STARD13: variants seen among roughly 807,000 people sequenced by gnomAD.
STARD13 encodes stAR-related lipid transfer protein 13.
In STARD13, 62 loss-of-function variants were observed where a neutral mutation model predicts 106.4. That is an observed-to-expected ratio of 0.58 (90% CI 0.48 to 0.72). The LOEUF is 0.72. Ranked by LOEUF, STARD13 falls within the 30% of genes least tolerant of loss-of-function variation. The probability of loss-of-function intolerance (pLI) is 0.00; values close to 1 mark genes in which losing one functional copy is unlikely to be tolerated. For synonymous variants in STARD13, 565 were observed against 553.0 expected (o/e 1.02, Z -0.31); for missense variants, 1,387 against 1,424.0 (o/e 0.97, Z 0.42).
At chr13:33,196,312 C>T (rs965732140) in intron 1 of STARD13, among the ~76,000 whole-genome samples, 1 of 152,168 alleles carries the variant, frequency 6.6e-6, no homozygotes, top group African/African-American at 2.4e-5. Context: ...ATCGCTGGAA[C>T]CTGGGGGGCA....
the STARD13 span, among the ~76,000 whole-genome samples, chr13:33,617,583 AT>A: frequency 0.012 from 1,772 of 152,258 alleles, 28 homozygotes; most frequent in African/African-American, 0.04. Context: ...CCATATCATC[AT>A]TTTTTCTTTA....
chr13:33,569,393 G>A, the STARD13 span, among the ~76,000 whole-genome samples: 10 of 147,790 alleles, frequency 6.8e-5, 1 homozygote, highest in Non-Finnish European at 1.3e-4. Flanking sequence ...CTCATCTGCA[G>A]TAAGCCTTAT....
intron 1 of STARD13, among the ~76,000 whole-genome samples, chr13:33,285,220 T>C (rs935121132): frequency 7.2e-5 from 11 of 152,176 alleles, no homozygotes; most frequent in African/African-American, 2.7e-4. Context: ...CACGTCAGTT[T>C]GGGAATTTAT....
At chr13:33,254,441 A>G (rs1890237755) in intron 1 of STARD13, among the ~76,000 whole-genome samples, 5 of 152,186 alleles carry the variant, frequency 3.3e-5, no homozygotes, top group Admixed American at 2.6e-4. Flanking sequence ...GCTGTTGCCT[A>G]TATTCTAGCA....
the STARD13 span, among the ~76,000 whole-genome samples, chr13:33,595,592 A>G: frequency 6.6e-6 from 1 of 152,198 alleles, no homozygotes; most frequent in Non-Finnish European, 1.5e-5. Context: ...GAAAATCTTC[A>G]ATCTAAGATA....
chr13:33,237,356 T>C (rs1371406486), intron 1 of STARD13, among the ~76,000 whole-genome samples: 2 of 152,234 alleles, frequency 1.3e-5, no homozygotes, highest in African/African-American at 4.8e-5. Flanking sequence ...AAAACATCTA[T>C]AAATTGAGTC....
chr13:33,310,531 C>T (rs1893090833), intron 1 of STARD13, among the ~76,000 whole-genome samples: 1 of 152,056 alleles, frequency 6.6e-6, no homozygotes, highest in Non-Finnish European at 1.5e-5. Flanking sequence ...GCTGGTTCTT[C>T]TCCTTTATTA....
the STARD13 span, among the ~76,000 whole-genome samples, chr13:33,463,733 G>C: frequency 6.6e-6 from 1 of 152,134 alleles, no homozygotes; most frequent in African/African-American, 2.4e-5. Context: ...ATATGCATAG[G>C]CTGGGTGCAG....
chr13:33,345,189 C>T (rs750341367), downstream of STARD13, among the ~76,000 whole-genome samples: 2 of 152,188 alleles, frequency 1.3e-5, no homozygotes, highest in Non-Finnish European at 2.9e-5. Context: ...GGGGCCCTGA[C>T]AAGCTAGATG....
chr13:33,577,077 T>G, the STARD13 span, among the ~76,000 whole-genome samples: 1 of 152,226 alleles, frequency 6.6e-6, no homozygotes, highest in Non-Finnish European at 1.5e-5. Context: ...TATCATTTAA[T>G]CATTACCACA....
chr13:33,387,284 G>T, the STARD13 span, among the ~76,000 whole-genome samples: 1 of 152,174 alleles, frequency 6.6e-6, no homozygotes, highest in East Asian at 1.9e-4. Context: ...GATTACAGAA[G>T]TGCGCCACTG....
the STARD13 span, among the ~76,000 whole-genome samples, chr13:33,650,485 C>T: frequency 1.3e-5 from 2 of 151,950 alleles, no homozygotes; most frequent in East Asian, 1.9e-4. Flanking sequence ...CCACCGCGCC[C>T]GGCCGACTCC....
chr13:33,487,825 G>A, the STARD13 span, among the ~76,000 whole-genome samples: 5 of 152,252 alleles, frequency 3.3e-5, no homozygotes, highest in South Asian at 2.1e-4. Context: ...TGCAGTGTGT[G>A]ATCCATCTGA....
chr13:33,547,411 ATG>A, the STARD13 span, among the ~76,000 whole-genome samples: 3 of 152,226 alleles, frequency 2.0e-5, no homozygotes, highest in Non-Finnish European at 4.4e-5. Flanking sequence ...TTTTTCACAA[ATG>A]TGGGAATTTA....
the STARD13 span, among the ~76,000 whole-genome samples, chr13:33,453,316 T>C: frequency 1.3e-5 from 2 of 152,180 alleles, no homozygotes; most frequent in African/African-American, 4.8e-5. Flanking sequence ...TATACGCCAA[T>C]AGAGAATAAC....
chr13:33,332,715 C>T (rs999986302), intron 1 of STARD13, among the ~76,000 whole-genome samples: 1 of 152,172 alleles, frequency 6.6e-6, no homozygotes, highest in Non-Finnish European at 1.5e-5. Flanking sequence ...AATAGCACCC[C>T]CTTTCAGTCT....
chr13:33,145,523 T>C (rs1880404949), intron 3 of STARD13, among the ~76,000 whole-genome samples: 1 of 131,828 alleles, frequency 7.6e-6, no homozygotes, highest in South Asian at 2.4e-4. Flanking sequence ...AAAAGATTTA[T>C]ACTTTTTATA....
the STARD13 span, among the ~76,000 whole-genome samples, chr13:33,450,418 C>T: frequency 6.6e-6 from 1 of 151,994 alleles, no homozygotes; most frequent in African/African-American, 2.4e-5. Flanking sequence ...AAATGAATTC[C>T]ACTTGATTAT....
the STARD13 span, among the ~76,000 whole-genome samples, chr13:33,391,795 T>G: frequency 1.3e-5 from 2 of 152,140 alleles, no homozygotes; most frequent in Admixed American, 6.5e-5. Context: ...GGACTGCCAG[T>G]GGCCTTCAGA....
Sources: allele counts gnomAD v4.1 joint callset (sites outside exome capture counted in the v4.1 genomes callset), GRCh38; gene constraint gnomAD v4.1.1; transcripts MANE v1.5; gene names NCBI Gene and HGNC (gene_info 2026-07-23, HGNC 2026-07-21).